CARS2: variants seen among roughly 807,000 people sequenced by gnomAD.
CARS2 encodes probable cysteine--tRNA ligase, mitochondrial.
In CARS2, 52 loss-of-function variants were observed where a neutral mutation model predicts 68.8. That is an observed-to-expected ratio of 0.76 (90% CI 0.61 to 0.95). The LOEUF (loss-of-function observed/expected upper bound fraction) is 0.95, where lower values mean the gene tolerates loss of function less well. CARS2 is among the 40% of genes least tolerant of loss of function. The pLI, the probability that CARS2 is intolerant of heterozygous loss-of-function variation, is 0.00. For missense variants in CARS2, 780 were observed against 754.2 expected (o/e 1.03, Z -0.40); for synonymous variants, 314 against 303.6 (o/e 1.03, Z -0.36).
At position 110,670,417 on chromosome 13, in the gene CARS2, C is replaced by A. The variant is rs1166043019; in HGVS notation, c.786-2944G>T. On this transcript the variant is annotated intron_variant, in intron 7 of 14. Transcript: ENST00000257347. The surrounding 1 kb of genome is among the most constrained non-coding windows in gnomAD (Gnocchi z 4.1). ...TTCTGCAATATTTGCTGTTCTGCAG[C>A]CTCTGCTGGTGATACCCAGGCAAAC... 6.6e-6 allele frequency among the ~76,000 whole-genome samples: 1 copy of A among 152,226 alleles called. No individual in the cohort carries two copies. Among genetic ancestry groups the A allele is most frequent in the Non-Finnish European group, 1.5e-5 (1 of 68,042 alleles).
chr13:110,713,085 C>T, intron 1 of CARS2: 1 of 1,442,364 alleles, frequency 6.9e-7, no homozygotes, highest in Non-Finnish European at 9.1e-7. Flanking sequence ...TTCCTTCCGC[C>T]TCCCGGAGGA....
chr13:110,644,673 GA>G, intron 12 of CARS2, 190 bp from the exon 13 acceptor site: 1 of 978,886 alleles, frequency 1.0e-6, no homozygotes, highest in Non-Finnish European at 1.4e-6. Flanking sequence ...ATAGGTGCAT[GA>G]GGAATCTCTT....
chr13:110,680,875 CGCT>C (rs934381878), intron 6 of CARS2, among the ~76,000 whole-genome samples: 1 of 152,210 alleles, frequency 6.6e-6, no homozygotes, highest in Non-Finnish European at 1.5e-5. Flanking sequence ...AGGAGGTGGC[CGCT>C]GTCAGAGTTA....
intron 8 of CARS2, chr13:110,666,466 C>T: frequency 2.0e-6 from 2 of 985,350 alleles, no homozygotes; most frequent in Non-Finnish European, 2.4e-6. Flanking sequence ...ATGGTAGGGG[C>T]AGAGCCGCCT....
chr13:110,711,484 G>T (rs1479456738), intron 1 of CARS2, among the ~76,000 whole-genome samples: 2 of 152,248 alleles, frequency 1.3e-5, no homozygotes, highest in Non-Finnish European at 2.9e-5. Context: ...AAAGTGGTAG[G>T]ATTACAGGCG....
chr13:110,643,986 C>T (rs533184810), intron 13 of CARS2: 9 of 608,786 alleles, frequency 1.5e-5, no homozygotes, highest in Non-Finnish European at 2.0e-5. Flanking sequence ...CCGTCCTGTC[C>T]GTACAAAACA....
chr13:110,662,294 G>A (rs532257887), intron 9 of CARS2, among the ~76,000 whole-genome samples: 30,479 of 148,940 alleles, frequency 0.2, 3,554 homozygotes, highest in Admixed American at 0.3. Context: ...ACCCCCCTCT[G>A]CGTCATGCAA....
At chr13:110,699,376 G>A (rs1194084751) in intron 3 of CARS2, among the ~76,000 whole-genome samples, 1 of 152,200 alleles carries the variant, frequency 6.6e-6, no homozygotes, top group Non-Finnish European at 1.5e-5. Context: ...GACCATGGAC[G>A]CCGGTGACAG....
intron 11 of CARS2, chr13:110,646,755 C>G (rs916293108): frequency 4.2e-6 from 1 of 239,328 alleles, no homozygotes; most frequent in Non-Finnish European, 8.1e-6. Context: ...CCCGAGGGCC[C>G]CAGGCACACT....
chr13:110,652,330 C>T (rs920422680), intron 9 of CARS2, among the ~76,000 whole-genome samples: 14 of 152,246 alleles, frequency 9.2e-5, no homozygotes, highest in South Asian at 2.1e-4. Flanking sequence ...GAGCCGGAAA[C>T]GGCGGAGTCC....
intron 2 of CARS2, among the ~76,000 whole-genome samples, chr13:110,702,424 C>CTGCT (rs1188716923): frequency 6.6e-6 from 1 of 152,252 alleles, no homozygotes; most frequent in Admixed American, 6.5e-5. Flanking sequence ...CCTAACAGGA[C>CTGCT]TGCTGTCCAG....
At position 110,642,382 on chromosome 13, in the gene CARS2, C is replaced by T; in HGVS notation, c.1556G>A (p.Arg519Lys). 1 of 1,564,588 alleles carries T rather than the reference C, an allele frequency of 6.4e-7. No homozygotes were observed. The highest frequency in any genetic ancestry group is 8.7e-7 in the Non-Finnish European group (1 of 1,154,272). ...GDARRQQLLE[R>K]QPLLEACDTL... ...GTCGCATGCTTCCAGCAGGGGCTGC[C>T]TTTCTAGGAGCTGCTGCCGCCGGGC... The change falls in exon 14 of 15, where the codon AGG becomes AAG. Residue 519 changes from arginine (R) to lysine (K), a missense_variant. Transcript: ENST00000257347.
rs774340650 is a variant in CARS2, at chr13:110,641,632, ACT to A, written c.1624-26_1624-25del. ...TCCTGGAGAAGAAGAGTGAGGTCCA[ACT>A]CTGAGCAGACACCACGTCATGTGGC... On this transcript the variant is annotated intron_variant, in intron 14 of 14. Coordinates refer to ENST00000257347, the MANE Select transcript of CARS2 (RefSeq NM_024537.4). The A allele has an allele frequency of 1.9e-5, 30 of 1,587,210 alleles. No individual in the cohort carries two copies. In the Admixed American group the frequency reaches 3.3e-4, roughly 18 times the overall value.
At position 110,676,388 on chromosome 13, in the gene CARS2, G is replaced by C. The variant is rs545657802; in HGVS notation, c.785+586C>G. ...ACAGAGAGGGTGTTTCCAGAGTAGG[G>C]GATGCCGCAGTGGGCCAGGAGAGCA... On this transcript the variant is annotated intron_variant, in intron 7 of 14. Transcript: ENST00000257347. The surrounding 1 kb of genome is among the most constrained non-coding windows in gnomAD (Gnocchi z 4.0). Among the ~76,000 whole-genome samples, 8 of 152,312 alleles carry C rather than the reference G, an allele frequency of 5.3e-5. No individual in the cohort carries two copies. The South Asian group carries it at 1.7e-3, about 32-fold the overall frequency.
Position 110,641,456 on chromosome 13 carries a change from A to G in CARS2, c.*81T>C. 8.7e-7 allele frequency: 1 copy of G among 1,155,040 alleles called. No individual in the cohort carries two copies. The highest frequency in any genetic ancestry group is 1.3e-6 in the Non-Finnish European group (1 of 762,186). 71.5% of individuals were successfully genotyped at this position (1,155,040 alleles called of 1,614,324 possible). On this transcript the variant is annotated 3_prime_UTR_variant, in exon 15 of 15. Transcript: ENST00000257347. ...TTAATGCTGACCTAGCAGCCCCGACAGGAAGCTTTAACATAAAGCCTTGAC... is the reference window on the plus strand; with the variant it reads ...TTAATGCTGACCTAGCAGCCCCGACGGGAAGCTTTAACATAAAGCCTTGAC...
At chr13:110,646,853 G>A (rs533619593) in intron 11 of CARS2, 5 of 454,736 alleles carry the variant, frequency 1.1e-5, no homozygotes, top group Non-Finnish European at 2.0e-5. Context: ...GGCCTCTGGG[G>A]AGCCCCTGAC....
In CARS2 at chr13:110,705,802, C is replaced by A; in HGVS notation, c.224+68G>T. The A allele has an allele frequency of 6.6e-7, 1 of 1,525,360 alleles. No individual in the cohort carries two copies. Among genetic ancestry groups the A allele is most frequent in the Non-Finnish European group, 8.8e-7 (1 of 1,138,476 alleles). The allele number at this position is 1,525,360 out of a possible 1,614,324, so 94.5% of individuals were successfully genotyped here. Reference sequence around the variant, plus strand: ...CTAAACGCCCTCCCCGAGCCCAGATCCCGTTCAGCCGTGGGAAGTCTCCGC... The same window carrying A: ...CTAAACGCCCTCCCCGAGCCCAGATACCGTTCAGCCGTGGGAAGTCTCCGC... On this transcript the variant is annotated intron_variant, in intron 1 of 14. Transcript: ENST00000257347. This position sits in a 1 kb window ranked among gnomAD's most constrained non-coding sequence, Gnocchi z 4.0.
chr13:110,641,433 A>T lies in CARS2; in HGVS notation c.*104T>A. ...GGGACACTGTTGGTTGCCTTACTTT[A>T]ATGCTGACCTAGCAGCCCCGACAGG... On this transcript the variant is annotated 3_prime_UTR_variant, in exon 15 of 15. Coordinates refer to ENST00000257347, the MANE Select transcript of CARS2 (RefSeq NM_024537.4). 1.1e-6 allele frequency: 1 copy of T among 935,392 alleles called. No individual in the cohort carries two copies. The highest frequency in any genetic ancestry group is 1.8e-6 in the Non-Finnish European group (1 of 568,776). The allele number at this position is 935,392 out of a possible 1,614,324, so 57.9% of individuals were successfully genotyped here.
At chr13:110,680,688 G>A (rs1454802193) in intron 6 of CARS2, among the ~76,000 whole-genome samples, 3 of 152,228 alleles carry the variant, frequency 2.0e-5, no homozygotes, top group African/African-American at 7.2e-5. Flanking sequence ...CAGAGCAAGC[G>A]AAATCCCACT....
Sources: allele counts gnomAD v4.1 joint callset (sites outside exome capture counted in the v4.1 genomes callset), GRCh38; gene constraint gnomAD v4.1.1; non-coding constraint Gnocchi (gnomAD v3.1); transcripts MANE v1.5; gene names NCBI Gene and HGNC (gene_info 2026-07-23, HGNC 2026-07-21).